Variants in TRAK1 observed in about 807,000 individuals in gnomAD.
The protein encoded by TRAK1 is trafficking kinesin protein 1.
In TRAK1, 33 loss-of-function variants were observed where a neutral mutation model predicts 92.1. That is an observed-to-expected ratio of 0.36 (90% CI 0.27 to 0.48). TRAK1 has a LOEUF of 0.48. TRAK1 is among the 20% of genes least tolerant of loss of function. The pLI is 0.99. For missense variants in TRAK1, 1,123 were observed against 1,257.9 expected, an observed-to-expected ratio of 0.89 and a Z score of 1.62; for synonymous variants, 521 against 517.3, an observed-to-expected ratio of 1.01 and a Z score of -0.10.
intron 1 of TRAK1, among the ~76,000 whole-genome samples, chr3:42,045,086 C>T (rs1702700873): frequency 6.6e-6 from 1 of 152,092 alleles, no homozygotes; most frequent in Non-Finnish European, 1.5e-5. Context: ...GGATGCATTT[C>T]ATAGTGCATT....
chr3:42,065,727 C>G (rs908610309), intron 1 of TRAK1, among the ~76,000 whole-genome samples: 9 of 151,900 alleles, frequency 5.9e-5, no homozygotes, highest in African/African-American at 4.8e-5. Flanking sequence ...CCTCCTGGGC[C>G]CAAGCTATCC....
chr3:42,052,985 CA>C (rs556480483), intron 1 of TRAK1, among the ~76,000 whole-genome samples: 84 of 152,270 alleles, frequency 5.5e-4, no homozygotes, highest in Non-Finnish European at 9.9e-4. Context: ...AGGGGAAAGA[CA>C]GGGGGAGCTG....
intron 2 of TRAK1, among the ~76,000 whole-genome samples, chr3:42,136,230 AGGCATGTGTGTTACTGTT>A (rs1330588567): frequency 6.6e-6 from 1 of 152,218 alleles, no homozygotes; most frequent in Admixed American, 6.5e-5. Context: ...GTGAGGAAGC[AGGCATGTGTGTTACTGTT>A]TTAGAGAATT....
chr3:42,117,705 C>T (rs1362129698), intron 1 of TRAK1, among the ~76,000 whole-genome samples: 6 of 152,220 alleles, frequency 3.9e-5, no homozygotes, highest in African/African-American at 1.2e-4. Context: ...AATGATCGCA[C>T]TCCCTCTCTG....
chr3:42,138,880 T>G (rs1167775879), intron 2 of TRAK1, among the ~76,000 whole-genome samples: 1 of 96,062 alleles, frequency 1.0e-5, no homozygotes, highest in East Asian at 3.0e-4. Flanking sequence ...ATAGGGGGTG[T>G]GTGTGTGTGT....
intron 4 of TRAK1, 55 bp from the exon 5 acceptor site, chr3:42,187,990 G>T (rs75431929): frequency 1.3e-5 from 19 of 1,457,758 alleles, no homozygotes; most frequent in Middle Eastern, 1.7e-4. Context: ...TGTGAGTCGG[G>T]GGGGACAGTA....
intron 2 of TRAK1, among the ~76,000 whole-genome samples, chr3:42,139,828 C>T (rs992195347): frequency 4.6e-5 from 7 of 152,176 alleles, no homozygotes; most frequent in Admixed American, 6.5e-5. Context: ...CTCCACCTCC[C>T]GTGATGGGCC....
At chr3:42,043,332 C>A (rs1559718161) in intron 1 of TRAK1, among the ~76,000 whole-genome samples, 3 of 151,922 alleles carry the variant, frequency 2.0e-5, no homozygotes, top group Non-Finnish European at 4.4e-5. Flanking sequence ...TCTTTCCTAT[C>A]CCCTCCCCGA....
chr3:42,110,363 C>A (rs1708222723), intron 1 of TRAK1, among the ~76,000 whole-genome samples: 1 of 151,570 alleles, frequency 6.6e-6, no homozygotes, highest in Admixed American at 6.6e-5. Flanking sequence ...CTAAGGTGAG[C>A]ACAGGAGAAA....
chr3:42,071,706 CAA>C (rs112841005), intron 1 of TRAK1, among the ~76,000 whole-genome samples: 21 of 127,318 alleles, frequency 1.6e-4, no homozygotes, highest in East Asian at 2.3e-4. Context: ...AAGTCTGTCT[CAA>C]AAAAAAAAAA....
chr3:42,220,699 G>C, intron 15 of TRAK1: 1 of 749,828 alleles, frequency 1.3e-6, no homozygotes, highest in Non-Finnish European at 1.6e-6. Context: ...ATGTGTCTCT[G>C]TGGTTGTGCC....
intron 11 of TRAK1, 68 bp downstream of exon 11, chr3:42,199,321 C>T (rs1707195281): frequency 6.6e-6 from 10 of 1,520,544 alleles, no homozygotes; most frequent in African/African-American, 1.4e-5. Context: ...GTGTTCAAAA[C>T]CTAGCAATGT....
chr3:42,034,613 C>T (rs552579202), intron 1 of TRAK1, among the ~76,000 whole-genome samples: 1 of 152,284 alleles, frequency 6.6e-6, no homozygotes, highest in Admixed American at 6.5e-5. Context: ...CGTTAGTCTT[C>T]TCTCTGCCTT....
chr3:42,091,820 G>A (rs1453717359), intron 1 of TRAK1, among the ~76,000 whole-genome samples: 1 of 152,082 alleles, frequency 6.6e-6, no homozygotes, highest in Non-Finnish European at 1.5e-5. Context: ...GTAGGTGCAA[G>A]TGACACTTGC....
chr3:42,145,973 A>G (rs974970727), intron 2 of TRAK1: 13 of 304,142 alleles, frequency 4.3e-5, no homozygotes, highest in Admixed American at 3.8e-4. Context: ...TTTGGGGAAG[A>G]TAATAAATGC....
chr3:42,089,676 C>CCA (rs1553711837), upstream of TRAK1, among the ~76,000 whole-genome samples: 1 of 30,576 alleles, frequency 3.3e-5, no homozygotes, highest in Non-Finnish European at 7.4e-5. Context: ...CTTTTTGTGA[C>CCA]CCCCCCCCAA....
At chr3:42,160,117 A>C (rs9757367) in intron 2 of TRAK1, 5,860 of 805,020 alleles carry the variant, frequency 7.3e-3, no homozygotes, top group East Asian at 8.8e-3. Context: ...GCTCCACCCC[A>C]CCCCGCCCCT....
rs140268067 is a variant in TRAK1, at chr3:42,153,900, C to T, written c.287-22914C>T. Among the ~76,000 whole-genome samples, 816 of 152,098 alleles carry T rather than the reference C, an allele frequency of 5.4e-3. 9 individuals carry two copies. The highest frequency in any genetic ancestry group is 0.019 in the African/African-American group (782 of 41,476). ...CTTGTGTTTTATTGTGTGATGCGCC[C>T]GTGAAGGTAGAGGTTGACTTCTCTC... is the stretch of plus-strand genomic sequence containing the variant. On this transcript the variant is annotated intron_variant, in intron 2 of 15. Transcript: ENST00000327628.
chr3:42,132,667 G>C (rs1250734145), intron 2 of TRAK1, among the ~76,000 whole-genome samples: 1 of 151,994 alleles, frequency 6.6e-6, no homozygotes, highest in Non-Finnish European at 1.5e-5. Context: ...AGGCCCCACC[G>C]TCAGGCATAG....
Sources: gnomAD v4.1 joint callset for allele counts (sites outside exome capture counted in the v4.1 genomes callset) on GRCh38, gnomAD v4.1.1 for gene constraint, MANE v1.5 for transcripts, NCBI Gene and HGNC (gene_info 2026-07-23, HGNC 2026-07-21) for gene names.